The following ZNF248 variants were observed in gnomAD, a reference collection of about 807,000 sequenced individuals.
ZNF248 encodes the protein KRAB protein domain.
ZNF248 carries 20 observed loss-of-function variants against 44.3 expected under a neutral mutation model. The observed-to-expected ratio is 0.45, with a 90% CI of 0.32 to 0.66. The LOEUF is 0.66. Ranked by LOEUF, ZNF248 falls within the 30% of genes least tolerant of loss-of-function variation. The pLI is 0.04. For missense variants in ZNF248, 654 were observed against 677.0 expected (o/e 0.97, Z 0.38); for synonymous variants, 224 against 229.0 (o/e 0.98, Z 0.20).
In ZNF248 at chr10:37,831,925, G is replaced by A. The variant is rs762542929; in HGVS notation, c.1430C>T (p.Ser477Leu). 1 of 1,614,034 alleles carries A rather than the reference G, an allele frequency of 6.2e-7. No individual in the cohort carries two copies. Among genetic ancestry groups the A allele is most frequent in the Admixed American group, 1.7e-5 (1 of 59,990 alleles). Residue 477 changes from serine to leucine, a missense_variant, in exon 6 of 6, where the codon TCA (serine) becomes TTA (leucine). Ser to Leu is a moderately radical substitution (Grantham distance 145). Coordinates refer to ENST00000395867, the MANE Select transcript of ZNF248 (RefSeq NM_021045.3). ...TGTTCTCTGATGCACAGTGAGGGCTGATCTGTGGCAGAAGGATTTCCCACA... is the reference window on the plus strand; with the variant it reads ...TGTTCTCTGATGCACAGTGAGGGCTAATCTGTGGCAGAAGGATTTCCCACA... The part of the protein sequence containing the change: ...NACGKSFCHR[S>L]ALTVHQRTHT...
chr10:37,824,878 C>T (rs1265657665), downstream of ZNF248, among the ~76,000 whole-genome samples: 5 of 140,396 alleles, frequency 3.6e-5, no homozygotes, highest in South Asian at 2.3e-4. Flanking sequence ...TTAGTAGAGA[C>T]GGGGTTTCAC....
the ZNF248 span, among the ~76,000 whole-genome samples, chr10:37,768,021 G>C: frequency 9.2e-5 from 14 of 152,128 alleles, no homozygotes; most frequent in African/African-American, 3.4e-4. Context: ...GATCAAAAGA[G>C]ACAAAGAAGG....
chr10:37,809,245 CTTCT>C (rs1691547357), intron 6 of ZNF248, among the ~76,000 whole-genome samples: 1 of 151,628 alleles, frequency 6.6e-6, no homozygotes, highest in South Asian at 2.1e-4. Context: ...TATTTCCTTC[CTTCT>C]GATACATTTG....
chr10:37,795,705 TCA>T (rs1261269377), intron 6 of ZNF248: 3 of 152,182 alleles, frequency 2.0e-5, no homozygotes, highest in African/African-American at 7.2e-5. Context: ...CCCACATATA[TCA>T]CATTCATGAG....
intron 6 of ZNF248, among the ~76,000 whole-genome samples, chr10:37,813,008 C>A (rs200906): frequency 5.8e-5 from 8 of 138,606 alleles, no homozygotes; most frequent in Non-Finnish European, 7.9e-5. Context: ...TAAAAGAGAT[C>A]GTGGATATGG....
At chr10:37,801,480 C>T (rs536334661) in intron 6 of ZNF248, among the ~76,000 whole-genome samples, 1 of 151,878 alleles carries the variant, frequency 6.6e-6, no homozygotes, top group African/African-American at 2.4e-5. Flanking sequence ...CTCATAAAGC[C>T]AAAGGCACTG....
chr10:37,805,392 G>A (rs2050407215), intron 6 of ZNF248, among the ~76,000 whole-genome samples: 1 of 152,142 alleles, frequency 6.6e-6, no homozygotes, highest in Admixed American at 6.6e-5. Context: ...AGATAGAGCA[G>A]AATTTAAAGC....
intron 6 of ZNF248, chr10:37,819,270 C>A (rs2053071943): frequency 9.9e-6 from 9 of 909,484 alleles, no homozygotes; most frequent in South Asian, 2.6e-5. Flanking sequence ...AAGTTTAGAT[C>A]ATTTCCCTCA....
intron 6 of ZNF248, among the ~76,000 whole-genome samples, chr10:37,777,017 T>C (rs1404238342): frequency 6.6e-6 from 1 of 152,176 alleles, no homozygotes; most frequent in African/African-American, 2.4e-5. Context: ...CTAAGCTCTG[T>C]GCCAAATTTT....
chr10:37,767,272 A>G, the ZNF248 span, among the ~76,000 whole-genome samples: 5 of 152,128 alleles, frequency 3.3e-5, no homozygotes, highest in Admixed American at 6.5e-5. Context: ...AAATATAGAG[A>G]ACGCCACAAA....
In ZNF248 at chr10:37,807,022, T is replaced by C. The variant is rs748731186; in HGVS notation, c.330+26003A>G. 1.8e-4 allele frequency among the ~76,000 whole-genome samples: 27 copies of C among 152,126 alleles called. 1 individual carries two copies. The highest frequency in any genetic ancestry group is 1.0e-3 in the Admixed American group (16 of 15,272). On this transcript the variant is annotated intron_variant, in intron 6 of 6. Coordinates refer to the ZNF248 transcript ENST00000615949. The stretch of plus-strand genomic sequence containing the variant: ...TTTTTGAGACAGAGTCTCACTCTGT[T>C]GCCCAAGCTGGAGTGCAGTGGCCCG...
the ZNF248 span, among the ~76,000 whole-genome samples, chr10:37,768,927 T>C: frequency 6.6e-6 from 1 of 151,974 alleles, no homozygotes; most frequent in Non-Finnish European, 1.5e-5. Flanking sequence ...CAATAAAAAA[T>C]GATAAAGGGG....
chr10:37,779,789 C>A (rs889821895), intron 6 of ZNF248, among the ~76,000 whole-genome samples: 2 of 149,354 alleles, frequency 1.3e-5, no homozygotes, highest in Non-Finnish European at 3.0e-5. Flanking sequence ...CCAAAATCTC[C>A]TTAAGCTGAT....
At chr10:37,798,636 G>A (rs1174671216) in intron 6 of ZNF248, among the ~76,000 whole-genome samples, 1 of 151,584 alleles carries the variant, frequency 6.6e-6, no homozygotes, top group Non-Finnish European at 1.5e-5. Flanking sequence ...AACAAGAAAG[G>A]GGTAAAAATA....
At chr10:37,820,904 T>A (rs897510983) in intron 6 of ZNF248, 5 of 1,477,474 alleles carry the variant, frequency 3.4e-6, no homozygotes, top group South Asian at 1.1e-5. Flanking sequence ...TAGTTTTCCT[T>A]ACTAATACCT....
intron 3 of ZNF248, among the ~76,000 whole-genome samples, chr10:37,846,126 C>T (rs1161372834): frequency 6.6e-6 from 1 of 152,204 alleles, no homozygotes; most frequent in Admixed American, 6.5e-5. Context: ...CGTTAACCAC[C>T]TAATTCTCCT....
At chr10:37,845,125 G>T (rs1414667922) in intron 3 of ZNF248, among the ~76,000 whole-genome samples, 2 of 151,558 alleles carry the variant, frequency 1.3e-5, no homozygotes, top group Non-Finnish European at 2.9e-5. Flanking sequence ...TGGCTCAAGC[G>T]ATCCTTCCAC....
intron 6 of ZNF248, among the ~76,000 whole-genome samples, chr10:37,811,303 C>G (rs1046940512): frequency 2.0e-5 from 3 of 152,106 alleles, no homozygotes; most frequent in African/African-American, 7.2e-5. Flanking sequence ...GCACTTTTAG[C>G]AAAATACCTT....
intron 3 of ZNF248, 52 bp downstream of exon 3, chr10:37,856,244 C>T: frequency 6.3e-7 from 1 of 1,592,684 alleles, no homozygotes. Context: ...CCCTTATAAA[C>T]TTCAGAAATC....
Sources: gnomAD v4.1 joint callset for allele counts (sites outside exome capture counted in the v4.1 genomes callset) on GRCh38, gnomAD v4.1.1 for gene constraint, MANE v1.5 for transcripts, NCBI Gene and HGNC (gene_info 2026-07-23, HGNC 2026-07-21) for gene names.